The following TAB2 variants were observed in gnomAD, a reference collection of about 807,000 sequenced individuals.
TAB2 encodes the protein TGF-beta-activated kinase 1 and MAP3K7-binding protein 2.
TAB2 carries 3 observed loss-of-function variants against 65.0 expected under a neutral mutation model. The ratio of observed to expected loss-of-function variants is 0.05; its 90% CI spans 0.02 to 0.12. The LOEUF is 0.12. Ranked by LOEUF, TAB2 falls within the 10% of genes least tolerant of loss-of-function variation. The pLI is 1.00. For missense variants in TAB2, 623 were observed against 840.3 expected (o/e 0.74, Z 3.20); for synonymous variants, 298 against 285.1 (o/e 1.05, Z -0.46).
chr6:149,357,420 AG>A (rs1396193256), intron 1 of TAB2, among the ~76,000 whole-genome samples: 1,316 of 66,672 alleles, frequency 0.02, 33 homozygotes, highest in Non-Finnish European at 0.03. Context: ...CGTCTCAAGG[AG>A]AAAAAAAAAA....
intron 1 of TAB2, among the ~76,000 whole-genome samples, chr6:149,262,417 C>T (rs1271219673): frequency 1.3e-5 from 2 of 152,060 alleles, no homozygotes; most frequent in Admixed American, 6.5e-5. Context: ...CCTGTAATCC[C>T]AGCTACTTGG....
At chr6:149,257,864 G>T (rs2114664047) in intron 1 of TAB2, among the ~76,000 whole-genome samples, 1 of 152,220 alleles carries the variant, frequency 6.6e-6, no homozygotes, top group Non-Finnish European at 1.5e-5. Context: ...AAAGAGCACT[G>T]GCTCCATCCA....
At chr6:149,315,824 G>T (rs1414862727), upstream of TAB2, among the ~76,000 whole-genome samples, 1 of 151,898 alleles carries the variant, frequency 6.6e-6, no homozygotes, top group Non-Finnish European at 1.5e-5. Flanking sequence ...GGATGTATTT[G>T]TTATATGTAC....
At chr6:149,396,911 G>A (rs975758194) in intron 3 of TAB2, among the ~76,000 whole-genome samples, 21 of 152,118 alleles carry the variant, frequency 1.4e-4, no homozygotes, top group African/African-American at 5.1e-4. Context: ...TTTCATATTA[G>A]AATGCTTCAT....
At chr6:149,258,038 G>C (rs569414504) in intron 1 of TAB2, among the ~76,000 whole-genome samples, 1 of 152,332 alleles carries the variant, frequency 6.6e-6, no homozygotes, top group East Asian at 1.9e-4. Context: ...GGGAAGTTGA[G>C]ATAGCAGAGG....
intron 1 of TAB2, among the ~76,000 whole-genome samples, chr6:149,238,606 C>T (rs960831820): frequency 2.0e-5 from 3 of 152,196 alleles, no homozygotes; most frequent in East Asian, 1.9e-4. Context: ...CTCCCCGGCT[C>T]CTCCAAGGAT....
chr6:149,328,944 T>G (rs1342963105), intron 1 of TAB2, among the ~76,000 whole-genome samples: 1 of 152,118 alleles, frequency 6.6e-6, no homozygotes, highest in Non-Finnish European at 1.5e-5. Context: ...AGGCTGCAGA[T>G]AGGTCTTTTT....
chr6:149,265,462 T>A (rs969602709), intron 1 of TAB2, among the ~76,000 whole-genome samples: 1 of 152,124 alleles, frequency 6.6e-6, no homozygotes, highest in Non-Finnish European at 1.5e-5. Flanking sequence ...ACATTTCATA[T>A]CCACAGGAAT....
intron 1 of TAB2, among the ~76,000 whole-genome samples, chr6:149,284,559 A>G (rs918303903): frequency 2.0e-5 from 3 of 151,882 alleles, no homozygotes; most frequent in African/African-American, 4.8e-5. Context: ...GGATGCTTTC[A>G]GGACTAAGAG....
intron 1 of TAB2, among the ~76,000 whole-genome samples, chr6:149,254,013 A>AGAAAGAAAGAAAG (rs1777934372): frequency 6.6e-6 from 1 of 150,482 alleles, no homozygotes; most frequent in Non-Finnish European, 1.5e-5. Context: ...AAAGAAAGAA[A>AGAAAGAAAGAAAG]GAAAGAAAGA....
intron 1 of TAB2, among the ~76,000 whole-genome samples, chr6:149,273,124 A>G (rs1399745844): frequency 2.6e-5 from 4 of 152,140 alleles, no homozygotes; most frequent in Non-Finnish European, 5.9e-5. Flanking sequence ...GAGTGGGTAG[A>G]GGCCAGGGAT....
chr6:149,237,044 T>C (rs940412699), intron 1 of TAB2, among the ~76,000 whole-genome samples: 4 of 152,218 alleles, frequency 2.6e-5, no homozygotes, highest in African/African-American at 7.2e-5. Context: ...TTTATTTGCA[T>C]GGCGATCCCC....
intron 3 of TAB2, among the ~76,000 whole-genome samples, chr6:149,387,414 G>A (rs1781840441): frequency 6.6e-6 from 1 of 152,110 alleles, no homozygotes; most frequent in Non-Finnish European, 1.5e-5. Flanking sequence ...AAAACCAGTT[G>A]ACCATAAATG....
At chr6:149,332,373 A>C (rs1779811171) in intron 1 of TAB2, among the ~76,000 whole-genome samples, 1 of 152,156 alleles carries the variant, frequency 6.6e-6, no homozygotes, top group Non-Finnish European at 1.5e-5. Context: ...CTGTAATTTC[A>C]GATTTATTAG....
chr6:149,401,713 G>C (rs899768764), intron 6 of TAB2, among the ~76,000 whole-genome samples: 3 of 152,074 alleles, frequency 2.0e-5, no homozygotes, highest in African/African-American at 4.8e-5. Context: ...TAGATCATAT[G>C]TTAGTTCACA....
chr6:149,256,204 C>T (rs764298150), intron 1 of TAB2, among the ~76,000 whole-genome samples: 3 of 152,088 alleles, frequency 2.0e-5, no homozygotes, highest in Non-Finnish European at 4.4e-5. Flanking sequence ...AATGACAATA[C>T]AATAATTCAT....
At chr6:149,224,924 T>C (rs1201392160) in intron 1 of TAB2, among the ~76,000 whole-genome samples, 1 of 152,240 alleles carries the variant, frequency 6.6e-6, no homozygotes. Context: ...TGCTGCTTTT[T>C]AGCCATTTTT....
intron 3 of TAB2, among the ~76,000 whole-genome samples, chr6:149,397,177 C>T (rs909381083): frequency 2.6e-4 from 39 of 152,220 alleles, no homozygotes; most frequent in Admixed American, 5.9e-4. Flanking sequence ...CACAGTGGCA[C>T]AAGCCTCTAA....
chr6:149,378,481 G>A lies in TAB2; in HGVS notation c.566G>A (p.Arg189His), dbSNP rs369027697. The A allele has an allele frequency of 3.2e-5, 52 of 1,614,122 alleles. No homozygotes were observed. The highest frequency in any genetic ancestry group is 1.3e-4 in the African/African-American group (10 of 75,026). ...VTLAPNIQTG[R>H]NTPTSLHIHG... ...TTAGCCCCAAATATCCAGACTGGTC[G>A]TAATACTCCTACATCTTTGCACATA... The change falls in exon 3 of 7, where the codon CGT becomes CAT. Residue 189 changes from arginine (R) to histidine (H), a missense_variant. Around this residue, in one of 3 missense-constraint regions of TAB2, gnomAD observed 550 missense variants for 665.7 expected, o/e 0.83. Transcript: ENST00000637181.
Sources: allele counts gnomAD v4.1 joint callset (sites outside exome capture counted in the v4.1 genomes callset), GRCh38; gene constraint gnomAD v4.1.1; regional missense constraint gnomAD v4.1.1; transcripts MANE v1.5; gene names NCBI Gene and HGNC (gene_info 2026-07-23, HGNC 2026-07-21).